SAE1: variants seen among roughly 807,000 people sequenced by gnomAD.
The protein encoded by SAE1 is SUMO1 activating enzyme subunit 1.
SAE1 carries 11 observed loss-of-function variants against 40.6 expected under a neutral mutation model. That is an observed-to-expected ratio of 0.27 (90% CI 0.17 to 0.45). SAE1 has a LOEUF of 0.45. SAE1 is among the 20% of genes least tolerant of loss of function. SAE1 has a pLI of 1.00. For synonymous variants in SAE1, 155 were observed against 154.3 expected (o/e 1.00, Z -0.03); for missense variants, 373 against 427.3 (o/e 0.87, Z 1.12).
At chr19:47,183,077 G>C (rs1373930404) in intron 6 of SAE1, among the ~76,000 whole-genome samples, 15 of 151,938 alleles carry the variant, frequency 9.9e-5, no homozygotes, top group Admixed American at 9.9e-4. Context: ...CACCACGTCC[G>C]GCTAATTTTT....
At chr19:47,156,180 A>C (rs1285769701) in intron 5 of SAE1, among the ~76,000 whole-genome samples, 1 of 151,354 alleles carries the variant, frequency 6.6e-6, no homozygotes, top group Non-Finnish European at 1.5e-5. Context: ...CTGAGCTGGG[A>C]GGATTGTTTG....
chr19:47,140,940 T>C (rs78520932), intron 1 of SAE1, among the ~76,000 whole-genome samples: 25,876 of 151,978 alleles, frequency 0.17, 2,298 homozygotes, highest in East Asian at 0.36. Flanking sequence ...CCTCTGCCTC[T>C]CAGGTTCAAG....
At chr19:47,176,467 T>TGC (rs2058469263) in intron 6 of SAE1, among the ~76,000 whole-genome samples, 1 of 152,222 alleles carries the variant, frequency 6.6e-6, no homozygotes, top group Non-Finnish European at 1.5e-5. Flanking sequence ...ACATAGTAGG[T>TGC]GCTCAATAAA....
chr19:47,155,407 T>C (rs2058316115), intron 5 of SAE1, among the ~76,000 whole-genome samples, 194 bp downstream of exon 5: 1 of 152,032 alleles, frequency 6.6e-6, no homozygotes, highest in Admixed American at 6.6e-5. Context: ...TGATTCCAGA[T>C]GGGATTTTTC....
At chr19:47,155,529 C>T (rs1351074695) in intron 5 of SAE1, among the ~76,000 whole-genome samples, 2 of 151,968 alleles carry the variant, frequency 1.3e-5, no homozygotes, top group East Asian at 1.9e-4. Context: ...GGCATGATCT[C>T]GGCTCACTAC....
chr19:47,139,835 T>C (rs1385471464), intron 1 of SAE1, among the ~76,000 whole-genome samples: 5 of 148,938 alleles, frequency 3.4e-5, no homozygotes, highest in Non-Finnish European at 3.0e-5. Context: ...TCTCCTGACC[T>C]CGTGATCTGC....
chr19:47,155,565 A>C (rs983841853), intron 5 of SAE1, among the ~76,000 whole-genome samples: 1 of 151,878 alleles, frequency 6.6e-6, no homozygotes, highest in Non-Finnish European at 1.5e-5. Flanking sequence ...GGTTCAAGCA[A>C]TTCTCCTGCC....
chr19:47,199,588 T>C (rs2058639564), intron 7 of SAE1, among the ~76,000 whole-genome samples: 1 of 152,068 alleles, frequency 6.6e-6, no homozygotes, highest in African/African-American at 2.4e-5. Flanking sequence ...TGGCCGGTGA[T>C]GCAGAGCCAG....
At chr19:47,196,018 G>C (rs1211713672) in intron 6 of SAE1, among the ~76,000 whole-genome samples, 1 of 148,256 alleles carries the variant, frequency 6.7e-6, no homozygotes, top group Non-Finnish European at 1.5e-5. Context: ...GCAGATGTGT[G>C]CCATCACACT....
In SAE1 at chr19:47,153,102, A is replaced by T. The variant is rs370662956; in HGVS notation, c.527+62A>T. 3.4e-3 allele frequency: 4,473 copies of T among 1,316,950 alleles called. 75 individuals carry two copies. The East Asian group carries it at 0.079, about 23-fold the overall frequency. 81.6% of individuals were successfully genotyped at this position (1,316,950 alleles called of 1,614,324 possible). On this transcript the variant is annotated intron_variant, in intron 4 of 8. Transcript: ENST00000270225. ...TCTCCTTTTTATACTTTTTTTTTTT[A>T]AATTATGTATTTATTTATGTGTAGA...
chr19:47,161,182 GT>G (rs11456095), intron 5 of SAE1, among the ~76,000 whole-genome samples: 33 of 137,386 alleles, frequency 2.4e-4, no homozygotes, highest in East Asian at 4.3e-4. Flanking sequence ...ATTTTTTCGG[GT>G]TTTTTTTTTT....
chr19:47,153,208 G>T (rs936883287), intron 4 of SAE1, among the ~76,000 whole-genome samples, 168 bp downstream of exon 4: 10 of 152,026 alleles, frequency 6.6e-5, no homozygotes, highest in African/African-American at 2.4e-4. Flanking sequence ...CTCCCAAAGT[G>T]CTGGGATTAT....
At chr19:47,179,168 G>A (rs1233626606) in intron 6 of SAE1, among the ~76,000 whole-genome samples, 2 of 149,882 alleles carry the variant, frequency 1.3e-5, no homozygotes, top group Admixed American at 6.7e-5. Flanking sequence ...CTCCAGCATG[G>A]GCGACAGAAC....
At chr19:47,147,599 T>A (rs1426813007) in intron 2 of SAE1, among the ~76,000 whole-genome samples, 2 of 148,790 alleles carry the variant, frequency 1.3e-5, no homozygotes, top group Non-Finnish European at 3.0e-5. Flanking sequence ...ATTACAGGCG[T>A]GTGCCACCAC....
Position 47,209,163 on chromosome 19 carries a change from T to C in SAE1, c.953T>C (p.Leu318Pro). The change falls in exon 9 of 9, where the codon CTG (leucine) becomes CCG (proline). Residue 318 changes from leucine (L) to proline (P), a missense_variant. By Grantham distance (98) the Leu-to-Pro change is moderately conservative (BLOSUM62 -3). Around this residue, in one of 3 missense-constraint regions of SAE1, gnomAD observed 351 missense variants for 390.6 expected, o/e 0.90. Coordinates refer to ENST00000270225, the MANE Select transcript of SAE1 (RefSeq NM_005500.3). ...GILAQEIVKALSQRDPPHNNF... is the reference protein window; with the variant it reads ...GILAQEIVKAPSQRDPPHNNF... ...TCTTTTCATTTTTCTCCCCAGGCCCTGTCTCAGCGGGACCCTCCTCACAAC... is the reference window on the plus strand; with the variant it reads ...TCTTTTCATTTTTCTCCCCAGGCCCCGTCTCAGCGGGACCCTCCTCACAAC... The C allele has an allele frequency of 6.2e-7, 1 of 1,613,800 alleles. No individual in the cohort carries two copies. Among genetic ancestry groups the C allele is most frequent in the Non-Finnish European group, 8.5e-7 (1 of 1,179,876 alleles).
intron 5 of SAE1, among the ~76,000 whole-genome samples, chr19:47,158,059 C>T (rs903582278): frequency 1.4e-5 from 2 of 140,568 alleles, no homozygotes; most frequent in Admixed American, 7.7e-5. Flanking sequence ...TACAGAATAA[C>T]TAGTTGGGTT....
rs1232339267 is a variant in SAE1, at chr19:47,194,747, C to CTTTTTTT, written c.734-2472_734-2466dup. ...AGAAGGTGTTGGTATGTTAATCAGT[C>CTTTTTTT]TTTTTTTTTTTTTTTTTTTTGAGAT... On this transcript the variant is annotated intron_variant, in intron 6 of 8. Transcript: ENST00000270225. Among the ~76,000 whole-genome samples, 580 of 124,864 alleles carry CTTTTTTT rather than the reference C, an allele frequency of 4.6e-3. 6 individuals carry two copies. The highest frequency in any genetic ancestry group is 0.017 in the African/African-American group (559 of 32,974). The allele number at this position is 124,864 out of a possible 152,430, so 81.9% of individuals were successfully genotyped here.
intron 1 of SAE1, among the ~76,000 whole-genome samples, chr19:47,141,284 G>GA (rs2058220261): frequency 6.6e-6 from 1 of 152,118 alleles, no homozygotes; most frequent in African/African-American, 2.4e-5. Context: ...TTACAGGCGT[G>GA]AGCCCCCACG....
At position 47,131,697 on chromosome 19, in the gene SAE1, C is replaced by CTTTT. The variant is rs554165710; in HGVS notation, c.98+689_98+692dup. On this transcript the variant is annotated intron_variant, in intron 1 of 8. Coordinates refer to ENST00000270225, the MANE Select transcript of SAE1 (RefSeq NM_005500.3). ...GCATTGTGGAGTAGCTTAGGGAATT[C>CTTTT]TTTTTTTTTTTTTTTTTTTTTTTGA... is the stretch of plus-strand genomic sequence containing the variant. Among the ~76,000 whole-genome samples, 44 of 84,132 alleles carry CTTTT rather than the reference C, an allele frequency of 5.2e-4. 2 individuals are homozygous for CTTTT. The highest frequency in any genetic ancestry group is 9.5e-4 in the South Asian group (2 of 2,102). The allele number at this position is 84,132 out of a possible 152,430, so 55.2% of individuals were successfully genotyped here. A position where few individuals can be genotyped will look rare whatever the true frequency, so the allele number is the denominator to read the frequency against.
Sources: allele counts gnomAD v4.1 joint callset (sites outside exome capture counted in the v4.1 genomes callset), GRCh38; gene constraint gnomAD v4.1.1; regional missense constraint gnomAD v4.1.1; transcripts MANE v1.5; gene names NCBI Gene and HGNC (gene_info 2026-07-23, HGNC 2026-07-21).